TTC7B: variants seen among roughly 807,000 people sequenced by gnomAD.
TTC7B encodes the protein tetratricopeptide repeat protein 7B.
A neutral mutation model predicts 106.8 loss-of-function variants in TTC7B; 28 were observed. That is an observed-to-expected ratio of 0.26 (90% CI 0.19 to 0.36). The LOEUF (loss-of-function observed/expected upper bound fraction) is 0.36, where lower values mean the gene tolerates loss of function less well. Among genes scored for constraint, TTC7B ranks in the 10% least tolerant of loss-of-function variants. The pLI is 1.00. For missense variants in TTC7B, 862 were observed against 1,076.4 expected, an observed-to-expected ratio of 0.80 and a Z score of 2.79; for synonymous variants, 405 against 430.6, an observed-to-expected ratio of 0.94 and a Z score of 0.74.
Position 90,681,918 on chromosome 14 carries a change from C to T in TTC7B, c.951-1383G>A, listed in dbSNP as rs1047893042. Among the ~76,000 whole-genome samples, 6 of 152,288 alleles carry T rather than the reference C, an allele frequency of 3.9e-5. No individual in the cohort carries two copies. The East Asian group carries it at 7.7e-4, about 20-fold the overall frequency. ...ATGTGTGTGTGCATGTACATGCACA[C>T]TCGTGCCCCACAATCATTTCCTGAT... On this transcript the variant is annotated intron_variant, in intron 7 of 19. Coordinates refer to ENST00000328459, the MANE Select transcript of TTC7B (RefSeq NM_001010854.2).
chr14:90,553,012 C>T (rs1050325157), intron 19 of TTC7B, among the ~76,000 whole-genome samples: 98 of 152,350 alleles, frequency 6.4e-4, no homozygotes, highest in African/African-American at 2.3e-3. Context: ...GGGAGTGATG[C>T]TTTTGTCTGG....
intron 19 of TTC7B, among the ~76,000 whole-genome samples, chr14:90,560,463 AG>A (rs1890522682): frequency 6.6e-6 from 1 of 152,272 alleles, no homozygotes; most frequent in Non-Finnish European, 1.5e-5. Context: ...CATCATCCAA[AG>A]CACACTGTCG....
intron 1 of TTC7B, among the ~76,000 whole-genome samples, chr14:90,813,484 G>C (rs1297339310): frequency 6.6e-6 from 1 of 152,098 alleles, no homozygotes; most frequent in East Asian, 1.9e-4. Flanking sequence ...TGAGTGGCTG[G>C]CCCTGAGAGA....
At position 90,709,981 on chromosome 14, in the gene TTC7B, G is replaced by GAAA. The variant is rs71461919; in HGVS notation, c.699-14406_699-14404dup. Among the ~76,000 whole-genome samples, 259 of 76,580 alleles carry GAAA rather than the reference G, an allele frequency of 3.4e-3. 4 individuals are homozygous for GAAA. Among genetic ancestry groups the GAAA allele is most frequent in the African/African-American group, 0.011 (210 of 19,212 alleles). The allele number at this position is 76,580 out of a possible 152,430, so 50.2% of individuals were successfully genotyped here. ...AAAAAAAAAAAAACCTTATGTGCCAGAAAAAAAAAAAAAAGAAAAGAAATT... is the reference window on the plus strand; with the variant it reads ...AAAAAAAAAAAAACCTTATGTGCCAGAAAAAAAAAAAAAAAAAGAAAAGAAATT... On this transcript the variant is annotated intron_variant, in intron 5 of 19. Transcript: ENST00000328459.
At position 90,524,878 on chromosome 14, in the gene TTC7B, G is replaced by C. The variant is rs1428725626; in HGVS notation, c.*16490C>G. ...AGGCTGTACTCATCTCCATTACGAGGCCTTTTTTTTTAAAAAAAAAAAACA... is the reference window on the plus strand; with the variant it reads ...AGGCTGTACTCATCTCCATTACGAGCCCTTTTTTTTTAAAAAAAAAAAACA... On this transcript the variant is annotated 3_prime_UTR_variant, in exon 20 of 20. Transcript: ENST00000328459. 2 of 80,410 alleles carry C rather than the reference G, an allele frequency of 2.5e-5. No individual in the cohort carries two copies. The highest frequency in any genetic ancestry group is 1.2e-4 in the African/African-American group (2 of 16,702). 5.0% of individuals were successfully genotyped at this position (80,410 alleles called of 1,614,324 possible). A position where few individuals can be genotyped will look rare whatever the true frequency, so the allele number is the denominator to read the frequency against.
Position 90,539,411 on chromosome 14 carries a change from C to T in TTC7B, c.*1957G>A, listed in dbSNP as rs1363777559. On this transcript the variant is annotated 3_prime_UTR_variant, in exon 20 of 20. Coordinates refer to ENST00000328459, the MANE Select transcript of TTC7B (RefSeq NM_001010854.2). ...CCGCATGGGATGGCAGAGCCCAGCCCTGTGCCTCCAATCAGGGCAAGCTGC... is the reference window on the plus strand; with the variant it reads ...CCGCATGGGATGGCAGAGCCCAGCCTTGTGCCTCCAATCAGGGCAAGCTGC... The T allele has an allele frequency of 6.6e-6, 1 of 152,414 alleles. No homozygotes were observed. Among genetic ancestry groups the T allele is most frequent in the East Asian group, 1.9e-4 (1 of 5,202 alleles). 9.4% of individuals were successfully genotyped at this position (152,414 alleles called of 1,614,324 possible). A position where few individuals can be genotyped will look rare whatever the true frequency, so the allele number is the denominator to read the frequency against.
At chr14:90,704,103 TAACACCTACTTGCCATATGC>T (rs1043318701) in intron 5 of TTC7B, among the ~76,000 whole-genome samples, 9 of 152,156 alleles carry the variant, frequency 5.9e-5, no homozygotes, top group African/African-American at 2.2e-4. Flanking sequence ...AAAATAGGAC[TAACACCTACTTGCCATATGC>T]AATGAGATGG....
chr14:90,786,227 G>A lies in TTC7B; in HGVS notation c.223C>T (p.Leu75=). 1 of 1,606,024 alleles carries A rather than the reference G, an allele frequency of 6.2e-7. No homozygotes were observed. The highest frequency in any genetic ancestry group is 1.3e-5 in the African/African-American group (1 of 74,550). ...GASPRGPKPQ[L]TEVRKHLTAA... is the part of the protein sequence containing the mutation. ...GTCAGATGCTTGCGGACCTCAGTCA[G>A]CTGGGGCTTGGGGCCTCGGGGACTG... is the stretch of plus-strand genomic sequence containing the variant. The change falls in exon 2 of 20, where the codon CTG becomes TTG. Residue 75 remains leucine, a synonymous_variant. Coordinates refer to ENST00000328459, the MANE Select transcript of TTC7B (RefSeq NM_001010854.2).
intron 15 of TTC7B, among the ~76,000 whole-genome samples, chr14:90,620,324 G>A (rs1353491027): frequency 6.6e-6 from 1 of 152,164 alleles, no homozygotes; most frequent in East Asian, 1.9e-4. Context: ...TACCAAGACT[G>A]CCTAAATGGG....
rs975031430 is a variant in TTC7B, at chr14:90,608,926, G to A, written c.1966+1816C>T. 2.6e-5 allele frequency among the ~76,000 whole-genome samples: 4 copies of A among 152,228 alleles called. No homozygotes were observed. The highest frequency in any genetic ancestry group is 9.6e-5 in the African/African-American group (4 of 41,454). ...GGCTGTTCTCACAGGATACTTAGGA[G>A]GGAGAAAAGTGGGGAGACGGCGCTG... On this transcript the variant is annotated intron_variant, in intron 17 of 19. Transcript: ENST00000328459. This position sits in a 1 kb window ranked among gnomAD's most constrained non-coding sequence, Gnocchi z 5.1.
rs1234617370 is a variant in TTC7B, at chr14:90,600,502, C to A, written c.1967-6876G>T. On this transcript the variant is annotated intron_variant, in intron 17 of 19. Transcript: ENST00000328459. The surrounding 1 kb of genome is among the most constrained non-coding windows in gnomAD (Gnocchi z 4.3). ...TTCTAGTAGACACTTCCATTTTTCA[C>A]CAAGTGAAAAAAGGATTAAGACTCA... is the stretch of plus-strand genomic sequence containing the variant. Among the ~76,000 whole-genome samples the A allele has an allele frequency of 6.6e-6, 1 of 152,152 alleles. No homozygotes were observed. The highest frequency in any genetic ancestry group is 1.5e-5 in the Non-Finnish European group (1 of 68,016).
intron 11 of TTC7B, among the ~76,000 whole-genome samples, chr14:90,655,357 T>C (rs1395696255): frequency 1.3e-5 from 2 of 152,246 alleles, no homozygotes; most frequent in African/African-American, 4.8e-5. Flanking sequence ...CCAAAGTTGC[T>C]TTCATATTTG....
chr14:90,675,917 C>T (rs1231141903), intron 9 of TTC7B: 1 of 152,094 alleles, frequency 6.6e-6, no homozygotes, highest in African/African-American at 2.4e-5. Flanking sequence ...TAATGCATAA[C>T]CATAGCCCAG....
rs116577793 is a variant in TTC7B, at chr14:90,596,645, C to T, written c.1967-3019G>A. Among the ~76,000 whole-genome samples, 1,243 of 152,294 alleles carry T rather than the reference C, an allele frequency of 8.2e-3. 23 individuals are homozygous for T. Among genetic ancestry groups the T allele is most frequent in the African/African-American group, 0.028 (1,166 of 41,570 alleles). ...CCATTTCTCCCTACAATAAGTGAGA[C>T]TCTCTGGTCCTTGGTGCTTCTATGT... is the stretch of plus-strand genomic sequence containing the variant. On this transcript the variant is annotated intron_variant, in intron 17 of 19. Coordinates refer to ENST00000328459, the MANE Select transcript of TTC7B (RefSeq NM_001010854.2).
intron 19 of TTC7B, among the ~76,000 whole-genome samples, chr14:90,569,026 C>T (rs925840741): frequency 1.3e-5 from 2 of 152,190 alleles, no homozygotes; most frequent in Admixed American, 6.5e-5. Flanking sequence ...CTGGGTTTGC[C>T]CCTCTGATGG....
intron 3 of TTC7B, among the ~76,000 whole-genome samples, chr14:90,755,180 G>A (rs562304839): frequency 5.9e-4 from 90 of 152,298 alleles, no homozygotes; most frequent in South Asian, 3.9e-3. Flanking sequence ...TTGAGGTATT[G>A]GCTCTTGTGT....
chr14:90,551,962 G>A, intron 19 of TTC7B, among the ~76,000 whole-genome samples: 1 of 152,250 alleles, frequency 6.6e-6, no homozygotes, highest in African/African-American at 2.4e-5. Context: ...CTCTGGGCGA[G>A]GCCTGGTCTC....
rs1409581146 is a variant in TTC7B, at chr14:90,600,622, G to A, written c.1967-6996C>T. Among the ~76,000 whole-genome samples, 1 of 152,204 alleles carries A rather than the reference G, an allele frequency of 6.6e-6. No individual in the cohort carries two copies. Among genetic ancestry groups the A allele is most frequent in the Non-Finnish European group, 1.5e-5 (1 of 68,032 alleles). On this transcript the variant is annotated intron_variant, in intron 17 of 19. Coordinates refer to ENST00000328459, the MANE Select transcript of TTC7B (RefSeq NM_001010854.2). The surrounding 1 kb of genome is among the most constrained non-coding windows in gnomAD (Gnocchi z 4.3). ...ACACGTCTTGTCCTGAAAGGGGGAA[G>A]CTCTTTCCAGGGAAGGACCCCAGTA...
chr14:90,701,754 G>A (rs1887996581), intron 5 of TTC7B, among the ~76,000 whole-genome samples: 1 of 149,224 alleles, frequency 6.7e-6, no homozygotes, highest in Non-Finnish European at 1.5e-5. Flanking sequence ...ATATCTGTGT[G>A]TGTGTGTATA....
Sources: allele counts gnomAD v4.1 joint callset (sites outside exome capture counted in the v4.1 genomes callset), GRCh38; gene constraint gnomAD v4.1.1; non-coding constraint Gnocchi (gnomAD v3.1); transcripts MANE v1.5; gene names NCBI Gene and HGNC (gene_info 2026-07-23, HGNC 2026-07-21).